CC2D2A: variants seen among roughly 807,000 people sequenced by gnomAD.
CC2D2A encodes the protein coiled-coil and C2 domain containing 2A.
Under a neutral mutation model 212.9 loss-of-function variants are expected in CC2D2A, and 155 were observed. The ratio of observed to expected loss-of-function variants is 0.73; its 90% CI spans 0.64 to 0.83. CC2D2A has a LOEUF of 0.83. CC2D2A is among the 40% of genes least tolerant of loss of function. The pLI is 0.00. For synonymous variants in CC2D2A, 667 were observed against 686.5 expected (o/e 0.97, Z 0.44); for missense variants, 1,856 against 1,956.2 (o/e 0.95, Z 0.97).
At chr4:15,482,307 T>C (rs752915071) in intron 4 of CC2D2A, 78 of 982,198 alleles carry the variant, frequency 7.9e-5, no homozygotes, top group Non-Finnish European at 9.1e-5. Context: ...AAATTATTTA[T>C]TACTACCAAA....
intron 22 of CC2D2A, 30 bp from the exon 23 acceptor site, chr4:15,560,501 C>T (rs1719526367): frequency 8.6e-7 from 1 of 1,162,302 alleles, no homozygotes; most frequent in East Asian, 2.4e-5. Flanking sequence ...TAAATAATAA[C>T]ATTTTAAATA....
intron 18 of CC2D2A, 25 bp downstream of exon 18, chr4:15,551,005 G>T: frequency 6.5e-7 from 1 of 1,533,192 alleles, no homozygotes; most frequent in South Asian, 1.2e-5. Context: ...TATCTTCAAT[G>T]GTTCACTGTT....
intron 33 of CC2D2A, among the ~76,000 whole-genome samples, chr4:15,594,502 C>G (rs944678728): frequency 6.6e-6 from 1 of 152,002 alleles, no homozygotes; most frequent in Non-Finnish European, 1.5e-5. Context: ...TGGGAGAGCT[C>G]AGCTTCAGGT....
chr4:15,569,161 A>G (rs1560187669), intron 26 of CC2D2A, 132 bp from the exon 27 acceptor site: 1 of 622,348 alleles, frequency 1.6e-6, no homozygotes, highest in Non-Finnish European at 2.9e-6. Flanking sequence ...GAGAAATCCT[A>G]GAAATGAAAG....
At chr4:15,537,805 G>A (rs903429290) in intron 15 of CC2D2A, 94 bp from the exon 16 acceptor site, 7 of 1,311,718 alleles carry the variant, frequency 5.3e-6, no homozygotes, top group African/African-American at 2.9e-5. Flanking sequence ...ATGGGGCTGG[G>A]GTTTGTATCC....
chr4:15,558,990 C>T (rs756610342), intron 21 of CC2D2A, among the ~76,000 whole-genome samples, 175 bp from the exon 22 acceptor site: 1 of 152,178 alleles, frequency 6.6e-6, no homozygotes. Flanking sequence ...AGCCACCTGT[C>T]TCAGAATCCT....
chr4:15,497,866 A>G (rs778573128), intron 4 of CC2D2A, among the ~76,000 whole-genome samples: 4 of 152,190 alleles, frequency 2.6e-5, no homozygotes, highest in Non-Finnish European at 5.9e-5. Flanking sequence ...TATATGGCTT[A>G]TATGTCAATA....
At chr4:15,534,264 T>A (rs1718004346) in intron 14 of CC2D2A, among the ~76,000 whole-genome samples, 1 of 152,210 alleles carries the variant, frequency 6.6e-6, no homozygotes, top group Admixed American at 6.5e-5. Context: ...CCTCTCCTAC[T>A]CATTAGTTGT....
intron 4 of CC2D2A, chr4:15,481,257 C>T: frequency 2.2e-6 from 1 of 454,522 alleles, no homozygotes; most frequent in South Asian, 1.6e-5. Context: ...GTCTGTAATC[C>T]CAGCACTTTG....
At chr4:15,593,075 T>C (rs894293191) in intron 33 of CC2D2A, among the ~76,000 whole-genome samples, 2 of 152,176 alleles carry the variant, frequency 1.3e-5, no homozygotes, top group Admixed American at 1.3e-4. Context: ...ACTAACTAAA[T>C]AGTATCCCCA....
At position 15,494,703 on chromosome 4, in the gene CC2D2A, T is replaced by C. The variant is rs1005315619; in HGVS notation, c.248-7726T>C. Among the ~76,000 whole-genome samples, 10 of 152,222 alleles carry C rather than the reference T, an allele frequency of 6.6e-5. No individual in the cohort carries two copies. In the East Asian group the frequency reaches 7.7e-4, roughly 12 times the overall value. Reference sequence around the variant, plus strand: ...AATAAGATTGTGTCCTATGTACCCATAGCATTAATTGTGGCTTAAAGGCTA... The same window carrying C: ...AATAAGATTGTGTCCTATGTACCCACAGCATTAATTGTGGCTTAAAGGCTA... On this transcript the variant is annotated intron_variant, in intron 4 of 36. Transcript: ENST00000424120.
intron 17 of CC2D2A, among the ~76,000 whole-genome samples, chr4:15,546,654 C>T (rs752297401): frequency 6.6e-6 from 1 of 152,182 alleles, no homozygotes; most frequent in Non-Finnish European, 1.5e-5. Context: ...TTTATGGACC[C>T]AAGTCCAAAA....
chr4:15,470,687 CTCTATA>C (rs1401621726), intron 1 of CC2D2A, among the ~76,000 whole-genome samples: 16 of 32,390 alleles, frequency 4.9e-4, no homozygotes, highest in Non-Finnish European at 6.2e-4. Flanking sequence ...CTCTCTCTCT[CTCTATA>C]TATATATATA....
At chr4:15,551,343 T>C (rs926309905) in intron 18 of CC2D2A, among the ~76,000 whole-genome samples, 11 of 152,228 alleles carry the variant, frequency 7.2e-5, no homozygotes, top group African/African-American at 2.7e-4. Context: ...CCCAAAAAGT[T>C]TGAAATAATT....
chr4:15,477,749 C>T (rs956329125), intron 2 of CC2D2A, among the ~76,000 whole-genome samples: 3 of 152,148 alleles, frequency 2.0e-5, no homozygotes, highest in African/African-American at 7.2e-5. Context: ...AGGAAAGGCC[C>T]AAACCAAGGC....
intron 4 of CC2D2A, among the ~76,000 whole-genome samples, chr4:15,486,263 A>G (rs1381258811): frequency 6.6e-6 from 1 of 152,136 alleles, no homozygotes; most frequent in Non-Finnish European, 1.5e-5. Flanking sequence ...TGTTGAATTC[A>G]GCAGGGTAGC....
At chr4:15,590,442 G>A (rs1721051162) in intron 33 of CC2D2A, among the ~76,000 whole-genome samples, 1 of 152,198 alleles carries the variant, frequency 6.6e-6, no homozygotes, top group Non-Finnish European at 1.5e-5. Context: ...TTGAACCCAG[G>A]AGGCAGAGGT....
chr4:15,532,409 CT>C (rs1462274000), intron 13 of CC2D2A, among the ~76,000 whole-genome samples: 1 of 152,176 alleles, frequency 6.6e-6, no homozygotes, highest in Admixed American at 6.5e-5. Flanking sequence ...TTGTGAAATG[CT>C]ACATCCTTGG....
At chr4:15,567,836 T>A (rs1177542570) in intron 26 of CC2D2A, 50 bp downstream of exon 26, 9 of 1,332,454 alleles carry the variant, frequency 6.8e-6, no homozygotes, top group Non-Finnish European at 9.2e-6. Flanking sequence ...TGAAGAAATG[T>A]GAAGAAAGCA....
Sources: allele counts gnomAD v4.1 joint callset (sites outside exome capture counted in the v4.1 genomes callset), GRCh38; gene constraint gnomAD v4.1.1; transcripts MANE v1.5; gene names NCBI Gene and HGNC (gene_info 2026-07-23, HGNC 2026-07-21).